CACNA1E: variants seen among roughly 807,000 people sequenced by gnomAD.
CACNA1E encodes the protein voltage-dependent R-type calcium channel subunit alpha-1E.
A neutral mutation model predicts 259.2 loss-of-function variants in CACNA1E; 40 were observed. The ratio of observed to expected loss-of-function variants is 0.15; its 90% CI spans 0.12 to 0.20. The LOEUF (loss-of-function observed/expected upper bound fraction) is 0.20, where lower values mean the gene tolerates loss of function less well. Ranked by LOEUF, CACNA1E falls within the 10% of genes least tolerant of loss-of-function variation. The pLI is 1.00. For missense variants in CACNA1E, 1,874 were observed against 3,040.1 expected, an observed-to-expected ratio of 0.62 and a Z score of 9.02; for synonymous variants, 1,104 against 1,138.5, an observed-to-expected ratio of 0.97 and a Z score of 0.61.
intron 3 of CACNA1E, among the ~76,000 whole-genome samples, chr1:181,557,233 C>T (rs16857648): frequency 0.11 from 17,109 of 152,150 alleles, 1,027 homozygotes; most frequent in South Asian, 0.22. Flanking sequence ...AAGTACCTGA[C>T]GATGAGATTG....
chr1:181,748,132 T>G (rs2102642830), intron 25 of CACNA1E, among the ~76,000 whole-genome samples: 1 of 152,328 alleles, frequency 6.6e-6, no homozygotes, highest in Admixed American at 6.5e-5. Flanking sequence ...TAATTTTATT[T>G]TTTTTTATTT....
intron 1 of CACNA1E, among the ~76,000 whole-genome samples, chr1:181,325,096 C>A (rs546838038): frequency 6.6e-6 from 1 of 152,296 alleles, no homozygotes; most frequent in Admixed American, 6.5e-5. Context: ...ACTTTGCAGA[C>A]CTGCTCCCCT....
chr1:181,684,471 C>T lies in CACNA1E; in HGVS notation c.1056-26483C>T, dbSNP rs942429107. Among the ~76,000 whole-genome samples the T allele has an allele frequency of 3.3e-5, 5 of 152,128 alleles. No individual in the cohort carries two copies. The East Asian group carries it at 9.6e-4, about 29-fold the overall frequency. On this transcript the variant is annotated intron_variant, in intron 7 of 47. Transcript: ENST00000367573. ...TAGTTTCTTTTGCTGTGCAGAAGCTCTTTCATTTAATTAGGTCCTACTTGT... is the reference window on the plus strand; with the variant it reads ...TAGTTTCTTTTGCTGTGCAGAAGCTTTTTCATTTAATTAGGTCCTACTTGT...
chr1:181,657,542 T>C (rs551997916), intron 7 of CACNA1E, among the ~76,000 whole-genome samples: 1 of 152,320 alleles, frequency 6.6e-6, no homozygotes, highest in South Asian at 2.1e-4. Context: ...TATTTGACTT[T>C]TTAAATTCTA....
rs558131870 is a variant in CACNA1E, at chr1:181,793,674, G to A, written c.5908G>A (p.Val1970Ile). 8.2e-5 allele frequency: 132 copies of A among 1,610,028 alleles called. No individual in the cohort carries two copies. The Middle Eastern group carries it at 1.3e-3, about 16-fold the overall frequency. Residue 1970 changes from valine to isoleucine, a missense_variant, in exon 45 of 48, where the codon GTT becomes ATT. By Grantham distance (29) the Val-to-Ile change is conservative. Coordinates refer to ENST00000367573, the MANE Select transcript of CACNA1E (RefSeq NM_001205293.3). ...FQERQSLEPE[V>I]SELKSVQPSN... ...GTGTGTTTATTTCCAGGAGCCAGAG[G>A]TTAGTGAATTAAAAAGCGTGCAGCC...
At chr1:181,717,947 G>A (rs1047874516) in intron 11 of CACNA1E, 108 bp from the exon 12 acceptor site, 1 of 638,922 alleles carries the variant, frequency 1.6e-6, no homozygotes, top group Non-Finnish European at 2.9e-6. Context: ...GCCACCGAAT[G>A]TCCTGACGTG....
chr1:181,719,735 G>C lies in CACNA1E; in HGVS notation c.1639-16G>C. The C allele has an allele frequency of 7.0e-7, 1 of 1,433,132 alleles. No homozygotes were observed. The highest frequency in any genetic ancestry group is 9.7e-7 in the Non-Finnish European group (1 of 1,030,876). 88.8% of individuals were successfully genotyped at this position (1,433,132 alleles called of 1,614,324 possible). On this transcript the variant is annotated splice_polypyrimidine_tract_variant and intron_variant, in intron 12 of 47. Coordinates refer to ENST00000367573, the MANE Select transcript of CACNA1E (RefSeq NM_001205293.3). Reference sequence around the variant, plus strand: ...TCTTCCTCCTCCTCTCACTGTGGCTGGCATTGCCTCTCTAGGTCACAGTGG... The same window carrying C: ...TCTTCCTCCTCCTCTCACTGTGGCTCGCATTGCCTCTCTAGGTCACAGTGG...
intron 7 of CACNA1E, among the ~76,000 whole-genome samples, chr1:181,702,441 A>T (rs1399698659): frequency 6.6e-6 from 1 of 152,184 alleles, no homozygotes; most frequent in Admixed American, 6.6e-5. Context: ...CAACAGGACA[A>T]CCAGAGACAT....
intron 2 of CACNA1E, among the ~76,000 whole-genome samples, chr1:181,472,994 C>CCTT (rs1454723117): frequency 2.6e-5 from 4 of 152,202 alleles, no homozygotes; most frequent in African/African-American, 9.6e-5. Flanking sequence ...TTCGCTGAGT[C>CCTT]CTTTAGTGGC....
intron 6 of CACNA1E, among the ~76,000 whole-genome samples, chr1:181,611,280 A>G (rs575991565): frequency 5.0e-4 from 76 of 152,226 alleles, no homozygotes; most frequent in African/African-American, 1.7e-3. Flanking sequence ...TGATTCCTTC[A>G]TTCATTTCGT....
At chr1:181,422,010 G>A (rs1053923586) in intron 2 of CACNA1E, among the ~76,000 whole-genome samples, 3 of 152,058 alleles carry the variant, frequency 2.0e-5, no homozygotes, top group Non-Finnish European at 2.9e-5. Context: ...CTGCCCACTC[G>A]CCTTTTATTT....
chr1:181,524,077 C>G (rs1473725446), intron 3 of CACNA1E, among the ~76,000 whole-genome samples: 1 of 152,226 alleles, frequency 6.6e-6, no homozygotes, highest in South Asian at 2.1e-4. Flanking sequence ...TGAGGCCCCA[C>G]CACCCCACAC....
At chr1:181,514,021 T>C (rs1666361486) in intron 3 of CACNA1E, among the ~76,000 whole-genome samples, 1 of 152,120 alleles carries the variant, frequency 6.6e-6, no homozygotes, top group Non-Finnish European at 1.5e-5. Context: ...CCGTTCCCTT[T>C]CTCCTCAATT....
chr1:181,521,120 G>A (rs895887703), intron 3 of CACNA1E, among the ~76,000 whole-genome samples: 1 of 152,232 alleles, frequency 6.6e-6, no homozygotes, highest in Non-Finnish European at 1.5e-5. Flanking sequence ...CATTTAGGAA[G>A]GGGGATCAGG....
rs772298538 is a variant in CACNA1E, at chr1:181,483,952, T to C, written c.208T>C (p.Phe70Leu). The C allele has an allele frequency of 8.7e-6, 14 of 1,613,224 alleles. No individual in the cohort carries two copies. Among genetic ancestry groups the C allele is most frequent in the Non-Finnish European group, 1.1e-5 (13 of 1,179,258 alleles). ...QNCFTVNRSLFIFGEDNIVRK... is the reference protein window; with the variant it reads ...QNCFTVNRSLLIFGEDNIVRK... ...CTGTTTCACCGTCAACAGATCCCTG[T>C]TCATCTTCGGAGAAGATAACATTGT... The change falls in exon 1 of 48, where the codon TTC (phenylalanine) becomes CTC (leucine). Residue 70 changes from phenylalanine to leucine, a missense_variant. Coordinates refer to ENST00000367573, the MANE Select transcript of CACNA1E (RefSeq NM_001205293.3).
chr1:181,485,949 G>C lies in CACNA1E; in HGVS notation c.266+1939G>C, dbSNP rs1663771663. ...GGACAGCGCCGCTGAAACTCCCGGCGGCCCGGGGCTCCCCAGTTACCCGGG... is the reference window on the plus strand; with the variant it reads ...GGACAGCGCCGCTGAAACTCCCGGCCGCCCGGGGCTCCCCAGTTACCCGGG... On this transcript the variant is annotated intron_variant, in intron 1 of 47. Transcript: ENST00000367573. This position sits in a 1 kb window ranked among gnomAD's most constrained non-coding sequence, Gnocchi z 4.2. Among the ~76,000 whole-genome samples, 1 of 152,242 alleles carries C rather than the reference G, an allele frequency of 6.6e-6. No individual in the cohort carries two copies. Among genetic ancestry groups the C allele is most frequent in the Non-Finnish European group, 1.5e-5 (1 of 68,038 alleles).
At chr1:181,546,705 C>T (rs1647514370) in intron 3 of CACNA1E, among the ~76,000 whole-genome samples, 1 of 152,180 alleles carries the variant, frequency 6.6e-6, no homozygotes. Context: ...AAAAGCCGTG[C>T]AGACAGTGCA....
At chr1:181,702,018 C>T (rs3891683) in intron 7 of CACNA1E, among the ~76,000 whole-genome samples, 18,449 of 152,100 alleles carry the variant, frequency 0.12, 1,151 homozygotes, top group Admixed American at 0.16. Flanking sequence ...TCACAGCAGA[C>T]AATCCTTGAA....
intron 1 of CACNA1E, among the ~76,000 whole-genome samples, chr1:181,337,874 C>A (rs911408690): frequency 2.0e-4 from 30 of 152,164 alleles, no homozygotes; most frequent in African/African-American, 7.2e-4. Context: ...GGCTATATAA[C>A]CAGCAGAAGC....
Sources: gnomAD v4.1 joint callset for allele counts (sites outside exome capture counted in the v4.1 genomes callset) on GRCh38, gnomAD v4.1.1 for gene constraint, Gnocchi (gnomAD v3.1) non-coding constraint, MANE v1.5 for transcripts, NCBI Gene and HGNC (gene_info 2026-07-23, HGNC 2026-07-21) for gene names.